The following UPRT variants were observed in gnomAD, a reference collection of about 807,000 sequenced individuals.
UPRT encodes RP11-311P8.3.
A neutral mutation model predicts 22.6 loss-of-function variants in UPRT; 5 were observed. That is an observed-to-expected ratio of 0.22 (90% confidence interval 0.12 to 0.47). The LOEUF is 0.47. Ranked by LOEUF, UPRT falls within the 20% of genes least tolerant of loss-of-function variation. The pLI is 0.99. For synonymous variants in UPRT, 77 were observed against 87.7 expected (o/e 0.88, Z 0.68); for missense variants, 181 against 239.9 (o/e 0.75, Z 1.62).
chrX:75,195,044 A>G (rs2082328966), intron 4 of UPRT, among the ~76,000 whole-genome samples: 1 of 111,026 alleles, frequency 9.0e-6, no homozygotes, highest in African/African-American at 3.3e-5. Context: ...CTGGTGGTGA[A>G]GGAGGGGGAA....
intron 4 of UPRT, among the ~76,000 whole-genome samples, chrX:75,247,308 G>C (rs1265698788): frequency 1.8e-5 from 2 of 111,498 alleles, no homozygotes; most frequent in Non-Finnish European, 3.8e-5. Context: ...AGCGCAAGGG[G>C]TAAGGGAATT....
intron 4 of UPRT, among the ~76,000 whole-genome samples, chrX:75,184,084 C>A (rs1160719754): frequency 1.3e-4 from 15 of 111,653 alleles, no homozygotes; most frequent in East Asian, 8.4e-4. Context: ...TGTTTTAGAC[C>A]TGAAGTCCTT....
At chrX:75,163,877 G>T (rs994423117) in intron 3 of UPRT, among the ~76,000 whole-genome samples, 3 of 111,264 alleles carry the variant, frequency 2.7e-5, no homozygotes, top group Admixed American at 9.6e-5. Flanking sequence ...AACTAATGTT[G>T]ATTACTAAAG....
chrX:75,157,180 C>T (rs768133761), intron 1 of UPRT, among the ~76,000 whole-genome samples: 28 of 111,932 alleles, frequency 2.5e-4, no homozygotes, highest in Admixed American at 1.6e-3. Context: ...CCTGAAACCC[C>T]GGAGACAATA....
At chrX:75,237,883 G>C (rs1219900826) in intron 4 of UPRT, among the ~76,000 whole-genome samples, 1 of 108,688 alleles carries the variant, frequency 9.2e-6, no homozygotes, top group African/African-American at 3.3e-5. Flanking sequence ...CACTAGCATG[G>C]CACATGTATA....
chrX:75,184,628 T>G (rs2082282665), intron 4 of UPRT, among the ~76,000 whole-genome samples: 1 of 107,880 alleles, frequency 9.3e-6, no homozygotes, highest in African/African-American at 3.4e-5. Context: ...TATGGCCATT[T>G]TCACGATATT....
At chrX:75,202,720 A>T (rs2082350252) in intron 4 of UPRT, 1 of 112,044 alleles carries the variant, frequency 8.9e-6, no homozygotes, top group African/African-American at 3.2e-5. Flanking sequence ...CTTTGGCAGC[A>T]CATATACTAA....
At chrX:75,202,758 A>G (rs1441773209) in intron 4 of UPRT, 2 of 112,051 alleles carry the variant, frequency 1.8e-5, no homozygotes, top group African/African-American at 6.5e-5. Flanking sequence ...GAAGATTAGC[A>G]TGTCCATTGT....
chrX:75,291,681 T>C (rs2082708746), intron 1 of UPRT: 1 of 133,841 alleles, frequency 7.5e-6, no homozygotes, highest in Admixed American at 9.0e-5. Flanking sequence ...CTAGATATAC[T>C]TTAATTTCTA....
At chrX:75,287,335 A>G (rs1300450015) in intron 1 of UPRT, among the ~76,000 whole-genome samples, 2 of 111,655 alleles carry the variant, frequency 1.8e-5, no homozygotes, top group African/African-American at 3.2e-5. Flanking sequence ...CTTAGTAAGA[A>G]GATGGGAGAA....
intron 3 of UPRT, among the ~76,000 whole-genome samples, chrX:75,167,010 T>C (rs935249730): frequency 1.8e-5 from 2 of 112,030 alleles, no homozygotes; most frequent in Non-Finnish European, 3.8e-5. Flanking sequence ...AATATTCTTA[T>C]ATACATCCCT....
intron 1 of UPRT, among the ~76,000 whole-genome samples, chrX:75,156,887 C>T (rs1355609134): frequency 2.4e-5 from 2 of 82,204 alleles, no homozygotes. Flanking sequence ...GTCTGTTGCT[C>T]GTGGGACAGT....
chrX:75,298,199 C>T (rs1025162293), intron 4 of UPRT, among the ~76,000 whole-genome samples: 6 of 108,307 alleles, frequency 5.5e-5, no homozygotes, highest in Non-Finnish European at 1.1e-4. Context: ...GCTATGTTGC[C>T]CAGGCTGGTC....
intron 3 of UPRT, among the ~76,000 whole-genome samples, chrX:75,165,810 C>G (rs2082211795): frequency 1.8e-5 from 2 of 109,950 alleles, no homozygotes; most frequent in African/African-American, 6.6e-5. Context: ...ACTATGTTGC[C>G]CAGGGTGCTA....
At chrX:75,192,238 G>T (rs185371134) in intron 4 of UPRT, among the ~76,000 whole-genome samples, 10 of 111,435 alleles carry the variant, frequency 9.0e-5, no homozygotes, top group African/African-American at 2.9e-4. Context: ...TCAGAAGCAG[G>T]TTGTTTAATT....
At chrX:75,300,778 C>A in intron 5 of UPRT, 89 bp from the exon 6 acceptor site, 2 of 705,193 alleles carry the variant, frequency 2.8e-6, no homozygotes, top group Non-Finnish European at 4.2e-6. Flanking sequence ...CAGAGTGATT[C>A]CCTGTCCCCC....
At chrX:75,259,026 G>A (rs1025686006) in intron 4 of UPRT, among the ~76,000 whole-genome samples, 2 of 111,782 alleles carry the variant, frequency 1.8e-5, no homozygotes, top group African/African-American at 6.5e-5. Context: ...TGCATCAGAG[G>A]GACCTGACTG....
chrX:75,270,676 T>A (rs1450981742), upstream of UPRT, among the ~76,000 whole-genome samples: 1 of 111,497 alleles, frequency 9.0e-6, no homozygotes, highest in East Asian at 2.8e-4. Flanking sequence ...AAACACCTCA[T>A]ATTCTCACTC....
At chrX:75,240,402 A>G (rs1464835517) in intron 4 of UPRT, among the ~76,000 whole-genome samples, 1 of 111,794 alleles carries the variant, frequency 8.9e-6, no homozygotes, top group Non-Finnish European at 1.9e-5. Flanking sequence ...AAAGAGGTAA[A>G]ATATCTGTAT....
Sources: gnomAD v4.1 joint callset for allele counts (sites outside exome capture counted in the v4.1 genomes callset) on GRCh38, gnomAD v4.1.1 for gene constraint, MANE v1.5 for transcripts, NCBI Gene and HGNC (gene_info 2026-07-23, HGNC 2026-07-21) for gene names.